The following SLC16A7 variants were observed in gnomAD, a reference collection of about 807,000 sequenced individuals.
The protein encoded by SLC16A7 is solute carrier family 16 member 7, also known as monocarboxylate transporter 2.
SLC16A7 carries 33 observed loss-of-function variants against 34.9 expected under a neutral mutation model. The observed-to-expected ratio is 0.94, with a 90% CI of 0.72 to 1.26. The LOEUF is 1.26. Among genes scored for constraint, SLC16A7 ranks in the 50% most tolerant of loss-of-function variants. The pLI, the probability that SLC16A7 is intolerant of heterozygous loss-of-function variation, is 0.00. For synonymous variants in SLC16A7, 201 were observed against 206.6 expected (o/e 0.97, Z 0.23); for missense variants, 573 against 578.1 (o/e 0.99, Z 0.09).
At chr12:59,713,011 C>T (rs1565666745) in intron 3 of SLC16A7, among the ~76,000 whole-genome samples, 2 of 150,902 alleles carry the variant, frequency 1.3e-5, no homozygotes, top group African/African-American at 4.9e-5. Flanking sequence ...CTTTTCTTTT[C>T]TTTTTTTTTC....
intron 1 of SLC16A7, among the ~76,000 whole-genome samples, chr12:59,608,730 G>C (rs1879056546): frequency 6.6e-6 from 1 of 152,106 alleles, no homozygotes; most frequent in Non-Finnish European, 1.5e-5. Flanking sequence ...CTTGTATGAG[G>C]AAATGTGTAT....
chr12:59,640,820 TA>T (rs1880650727), intron 1 of SLC16A7, among the ~76,000 whole-genome samples: 1 of 151,958 alleles, frequency 6.6e-6, no homozygotes, highest in African/African-American at 2.4e-5. Context: ...TCTAAAACAT[TA>T]AAAAAAGAAA....
chr12:59,764,148 G>A (rs1881298654), intron 3 of SLC16A7: 1 of 152,174 alleles, frequency 6.6e-6, no homozygotes, highest in Admixed American at 6.6e-5. Context: ...ACTAAGGTTA[G>A]CCAAGTTGTG....
intron 1 of SLC16A7, among the ~76,000 whole-genome samples, chr12:59,636,509 G>C (rs750072702): frequency 2.6e-5 from 4 of 152,038 alleles, no homozygotes; most frequent in Non-Finnish European, 5.9e-5. Context: ...GTGTTGCCCA[G>C]GTTGTAGTGC....
chr12:59,745,159 G>C (rs2711662), intron 3 of SLC16A7, among the ~76,000 whole-genome samples: 18,677 of 152,112 alleles, frequency 0.12, 1,502 homozygotes, highest in African/African-American at 0.22. Flanking sequence ...TATAAAATGG[G>C]TGCCAGGAGC....
rs1397711946 is a variant in SLC16A7 at position 59,781,507 on chromosome 12, A to C, written c.*1828A>C. The C allele has an allele frequency of 6.6e-6, 1 of 152,558 alleles. No homozygotes were observed. The highest frequency in any genetic ancestry group is 2.4e-5 in the African/African-American group (1 of 41,440). 9.5% of individuals were successfully genotyped at this position (152,558 alleles called of 1,614,324 possible). A position where few individuals can be genotyped will look rare whatever the true frequency, so the allele number is the denominator to read the frequency against. On this transcript the variant is annotated 3_prime_UTR_variant, in exon 6 of 6. Transcript: ENST00000547379. ...GGCTCATATTTAGGAAGCTATATAA[A>C]ATTCAGTTTTTCATTTAACATTTGC... is the stretch of plus-strand genomic sequence containing the variant.
rs71463217 is a variant in SLC16A7 at position 59,614,616 on chromosome 12, T to C, written c.-130+18380T>C. On this transcript the variant is annotated intron_variant, in intron 1 of 5. Coordinates refer to ENST00000547379, the MANE Select transcript of SLC16A7 (RefSeq NM_001270623.2). ...TGATTAATGGCCATTGTGATAGCAA[T>C]ATGAGTCGGGACCAGTAAGAGGTGA... Among the ~76,000 whole-genome samples, 1,429 of 151,942 alleles carry C rather than the reference T, an allele frequency of 9.4e-3. 11 individuals carry two copies. The highest frequency in any genetic ancestry group is 0.013 in the Non-Finnish European group (892 of 67,968).
At chr12:59,707,450 T>C (rs1385957593) in intron 3 of SLC16A7, among the ~76,000 whole-genome samples, 1 of 152,024 alleles carries the variant, frequency 6.6e-6, no homozygotes. Context: ...AATATGAAAT[T>C]ATAAAAAGTA....
At chr12:59,766,084 C>G (rs1200148087) in intron 3 of SLC16A7, among the ~76,000 whole-genome samples, 2 of 152,086 alleles carry the variant, frequency 1.3e-5, no homozygotes, top group African/African-American at 4.8e-5. Flanking sequence ...TATTTTAATT[C>G]TCTTTGAAGC....
intron 3 of SLC16A7, among the ~76,000 whole-genome samples, chr12:59,740,172 T>C (rs2137279377): frequency 6.6e-6 from 1 of 151,668 alleles, no homozygotes. Context: ...CTTTTTATGG[T>C]TTTAGGTCTA....
intron 3 of SLC16A7, among the ~76,000 whole-genome samples, chr12:59,705,241 T>C (rs958032330): frequency 1.3e-5 from 2 of 152,194 alleles, no homozygotes; most frequent in African/African-American, 4.8e-5. Context: ...TTTGTTTGAA[T>C]AAGAATTTGT....
intron 1 of SLC16A7, among the ~76,000 whole-genome samples, chr12:59,634,972 A>T (rs1459131062): frequency 1.3e-5 from 2 of 152,076 alleles, no homozygotes; most frequent in African/African-American, 4.8e-5. Flanking sequence ...CAGCTGATGC[A>T]CTTGAGAATG....
intron 3 of SLC16A7, among the ~76,000 whole-genome samples, chr12:59,729,205 G>A (rs17122881): frequency 0.012 from 1,894 of 152,210 alleles, 42 homozygotes; most frequent in African/African-American, 0.043. Flanking sequence ...TCGTATTAAG[G>A]TTACTGTTAA....
rs898477857 is a variant in SLC16A7, at chr12:59,787,361, T to C, written c.*7682T>C. On this transcript the variant is annotated 3_prime_UTR_variant, in exon 6 of 6. Coordinates refer to ENST00000547379, the MANE Select transcript of SLC16A7 (RefSeq NM_001270623.2). ...TAAGTTCTATCTCAAAAATTTCTTA[T>C]TTTATGAATGTTTTCTTCACCTAAT... is the stretch of plus-strand genomic sequence containing the variant. 1 of 152,162 alleles carries C rather than the reference T, an allele frequency of 6.6e-6. No homozygotes were observed. The highest frequency in any genetic ancestry group is 1.5e-5 in the Non-Finnish European group (1 of 68,024). The allele number at this position is 152,162 out of a possible 1,614,324, so 9.4% of individuals were successfully genotyped here. A position where few individuals can be genotyped will look rare whatever the true frequency, so the allele number is the denominator to read the frequency against.
Position 59,695,388 on chromosome 12 carries a change from T to C in SLC16A7, c.-30-9384T>C, listed in dbSNP as rs866152460. ...AGCCACCGATGGGTCCGAAGCCTCCTGGTAGGACCAGAGCTGATGTATGAG... is the reference window on the plus strand; with the variant it reads ...AGCCACCGATGGGTCCGAAGCCTCCCGGTAGGACCAGAGCTGATGTATGAG... On this transcript the variant is annotated intron_variant, in intron 2 of 5. Coordinates refer to ENST00000547379, the MANE Select transcript of SLC16A7 (RefSeq NM_001270623.2). Among the ~76,000 whole-genome samples, 7 of 152,140 alleles carry C rather than the reference T, an allele frequency of 4.6e-5. No homozygotes were observed. The Middle Eastern group carries it at 0.014, about 296-fold the overall frequency.
chr12:59,725,822 C>T (rs1279135231), intron 3 of SLC16A7, among the ~76,000 whole-genome samples: 1 of 152,144 alleles, frequency 6.6e-6, no homozygotes, highest in Non-Finnish European at 1.5e-5. Flanking sequence ...CCTTAGGCTT[C>T]AGACATTTCA....
chr12:59,679,630 T>C (rs1383647667), intron 2 of SLC16A7, among the ~76,000 whole-genome samples: 2 of 152,240 alleles, frequency 1.3e-5, no homozygotes, highest in Non-Finnish European at 2.9e-5. Flanking sequence ...TTATCTACTT[T>C]ATAATTACCT....
intron 3 of SLC16A7, among the ~76,000 whole-genome samples, chr12:59,718,386 T>G (rs1171663924): frequency 2.0e-5 from 3 of 152,136 alleles, no homozygotes; most frequent in African/African-American, 7.2e-5. Context: ...CTTTTTTGTT[T>G]CTAAGAGGCA....
At chr12:59,728,170 C>T (rs1298556872) in intron 3 of SLC16A7, among the ~76,000 whole-genome samples, 1 of 151,978 alleles carries the variant, frequency 6.6e-6, no homozygotes, top group African/African-American at 2.4e-5. Context: ...AATACAGCAA[C>T]CTGAATGTTT....
Sources: allele counts gnomAD v4.1 joint callset (sites outside exome capture counted in the v4.1 genomes callset), GRCh38; gene constraint gnomAD v4.1.1; transcripts MANE v1.5; gene names NCBI Gene and HGNC (gene_info 2026-07-23, HGNC 2026-07-21).